RAB40C: variants seen among roughly 807,000 people sequenced by gnomAD.
RAB40C encodes ras-related protein Rab-40C.
RAB40C carries 8 observed loss-of-function variants against 28.1 expected under a neutral mutation model. The ratio of observed to expected loss-of-function variants is 0.28; its 90% CI spans 0.17 to 0.51. The LOEUF is 0.51. RAB40C is among the 20% of genes least tolerant of loss of function. RAB40C has a pLI of 0.97. For missense variants in RAB40C, 288 were observed against 405.9 expected, an observed-to-expected ratio of 0.71 and a Z score of 2.50; for synonymous variants, 201 against 171.7, an observed-to-expected ratio of 1.17 and a Z score of -1.34.
At chr16:624,014 G>A in intron 3 of RAB40C, 1 of 985,442 alleles carries the variant, frequency 1.0e-6, no homozygotes, top group Middle Eastern at 5.2e-4. Flanking sequence ...TCCTTGGCCA[G>A]CATGCACGCT....
chr16:618,291 T>A, intron 3 of RAB40C, 31 bp downstream of exon 3: 1 of 1,574,644 alleles, frequency 6.4e-7, no homozygotes, highest in African/African-American at 1.4e-5. Context: ...TCCATTGCTT[T>A]TCAAAGGATG....
intron 3 of RAB40C, among the ~76,000 whole-genome samples, chr16:618,699 AGTG>A (rs1362809545): frequency 1.4e-5 from 2 of 144,386 alleles, no homozygotes; most frequent in Admixed American, 7.0e-5. Flanking sequence ...GCACAGGTGT[AGTG>A]GGTGCACTCA....
Position 605,684 on chromosome 16 carries a change from A to G in RAB40C, c.143-11524A>G, listed in dbSNP as rs563168941. Among the ~76,000 whole-genome samples, 20 of 152,230 alleles carry G rather than the reference A, an allele frequency of 1.3e-4. No homozygotes were observed. The South Asian group carries it at 3.7e-3, about 28-fold the overall frequency. ...CTCCCGTGTGTCAAGGCTGCAGTGCATTGGCTCCACTCCAGATGGGCTTTG... is the reference window on the plus strand; with the variant it reads ...CTCCCGTGTGTCAAGGCTGCAGTGCGTTGGCTCCACTCCAGATGGGCTTTG... On this transcript the variant is annotated intron_variant, in intron 1 of 5. Coordinates refer to ENST00000248139, the MANE Select transcript of RAB40C (RefSeq NM_021168.5).
At position 627,597 on chromosome 16, in the gene RAB40C, C is replaced by T. The variant is rs1317581608; in HGVS notation, c.821C>T (p.Ser274Leu). ...CCCCAGAGCCCCCCCCAGAACTGCT[C>T]GCGGAGTAACTGCAAGATCTCCTAG... ...RPPQSPPQNC[S>L]RSNCKIS Residue 274 changes from serine (S) to leucine (L), a missense_variant, in exon 6 of 6, where the codon TCG (serine) becomes TTG (leucine). Coordinates refer to ENST00000248139, the MANE Select transcript of RAB40C (RefSeq NM_021168.5). The T allele has an allele frequency of 6.3e-7, 1 of 1,595,892 alleles. No individual in the cohort carries two copies. Among genetic ancestry groups the T allele is most frequent in the Non-Finnish European group, 8.6e-7 (1 of 1,169,270 alleles).
At chr16:590,781 C>T (rs762736390) in intron 1 of RAB40C, among the ~76,000 whole-genome samples, 2 of 151,052 alleles carry the variant, frequency 1.3e-5, no homozygotes, top group Non-Finnish European at 3.0e-5. Flanking sequence ...GAGAAGGTGT[C>T]ATGGGCCTGG....
At chr16:591,679 C>T (rs2036002506) in intron 1 of RAB40C, among the ~76,000 whole-genome samples, 2 of 151,868 alleles carry the variant, frequency 1.3e-5, no homozygotes, top group African/African-American at 4.8e-5. Context: ...GCAACCTCCG[C>T]CTCCTGGGTT....
chr16:614,863 G>A (rs1441015098), intron 1 of RAB40C, among the ~76,000 whole-genome samples: 2 of 152,046 alleles, frequency 1.3e-5, no homozygotes, highest in Non-Finnish European at 2.9e-5. Flanking sequence ...GCCGCATCCC[G>A]ATGGTGAACT....
chr16:592,799 G>T (rs925464674), intron 1 of RAB40C, among the ~76,000 whole-genome samples: 2 of 152,246 alleles, frequency 1.3e-5, no homozygotes, highest in Admixed American at 6.5e-5. Flanking sequence ...TGGCCAGCTC[G>T]CCTACCCAAC....
Position 610,850 on chromosome 16 carries a change from AGACC to A in RAB40C, c.143-6357_143-6354del, listed in dbSNP as rs753298070. On this transcript the variant is annotated intron_variant, in intron 1 of 5. Transcript: ENST00000248139. This position sits in a 1 kb window ranked among gnomAD's most constrained non-coding sequence, Gnocchi z 4.6. Reference sequence around the variant, plus strand: ...CTGACACCTGTCCCTCTGAGAGTCCAGACCTTTTCCAGAGTGACATCCTGGGGCC... The same window carrying A: ...CTGACACCTGTCCCTCTGAGAGTCCATTTTCCAGAGTGACATCCTGGGGCC... Among the ~76,000 whole-genome samples the A allele has an allele frequency of 1.3e-5, 2 of 151,870 alleles. No individual in the cohort carries two copies. Among genetic ancestry groups the A allele is most frequent in the Non-Finnish European group, 2.9e-5 (2 of 67,960 alleles).
chr16:595,001 G>T (rs1324835957), intron 1 of RAB40C, among the ~76,000 whole-genome samples: 1 of 151,940 alleles, frequency 6.6e-6, no homozygotes, highest in South Asian at 2.1e-4. Context: ...TGTATTTTTA[G>T]TAGAGGCAGG....
intron 1 of RAB40C, among the ~76,000 whole-genome samples, chr16:592,015 G>T (rs1202539151): frequency 6.6e-6 from 1 of 152,240 alleles, no homozygotes; most frequent in Non-Finnish European, 1.5e-5. Context: ...GAGTGAGACG[G>T]TGTGGTCCTC....
chr16:606,584 T>C (rs1483569894), intron 1 of RAB40C, among the ~76,000 whole-genome samples: 2 of 152,262 alleles, frequency 1.3e-5, no homozygotes, highest in African/African-American at 4.8e-5. Context: ...TTGCAGGCCC[T>C]ACAGGAAGAT....
At chr16:611,486 C>T (rs941057953) in intron 1 of RAB40C, among the ~76,000 whole-genome samples, 4 of 152,246 alleles carry the variant, frequency 2.6e-5, no homozygotes, top group African/African-American at 4.8e-5. Context: ...CCCCTCCGTC[C>T]CTGTGTCCCT....
chr16:616,993 C>G, intron 1 of RAB40C: 1 of 581,020 alleles, frequency 1.7e-6, no homozygotes, highest in Non-Finnish European at 3.1e-6. Context: ...CTGCCCTGCC[C>G]CGCCCTGCCC....
intron 1 of RAB40C, among the ~76,000 whole-genome samples, chr16:593,679 C>T (rs888848429): frequency 6.6e-6 from 1 of 152,222 alleles, no homozygotes; most frequent in East Asian, 1.9e-4. Context: ...TTAGTACTGG[C>T]ACCTGAGGCA....
At chr16:609,874 G>C (rs115668489) in intron 1 of RAB40C, among the ~76,000 whole-genome samples, 2 of 152,164 alleles carry the variant, frequency 1.3e-5, no homozygotes, top group African/African-American at 4.8e-5. Flanking sequence ...TGCCTGGAGG[G>C]GGGAGCTGAG....
intron 3 of RAB40C, among the ~76,000 whole-genome samples, chr16:619,518 A>G (rs376121179): frequency 6.6e-6 from 1 of 152,222 alleles, no homozygotes; most frequent in Non-Finnish European, 1.5e-5. Context: ...CGTGAAGCCC[A>G]TGTAAACAGA....
chr16:627,757 C>T lies in RAB40C; in HGVS notation c.*135C>T, dbSNP rs1343099335. 1.7e-6 allele frequency: 2 copies of T among 1,170,820 alleles called. No individual in the cohort carries two copies. The highest frequency in any genetic ancestry group is 2.3e-6 in the Non-Finnish European group (2 of 866,898). The allele number at this position is 1,170,820 out of a possible 1,614,324, so 72.5% of individuals were successfully genotyped here. A position where few individuals can be genotyped will look rare whatever the true frequency, so the allele number is the denominator to read the frequency against. ...TCAGAAGCGCCGGGCTTTCCTCACA[C>T]CTGAGCCGGGTGCGAGGAGGAGCAT... On this transcript the variant is annotated 3_prime_UTR_variant, in exon 6 of 6. Coordinates refer to ENST00000248139, the MANE Select transcript of RAB40C (RefSeq NM_021168.5).
chr16:608,932 C>T (rs1318854601), intron 1 of RAB40C, among the ~76,000 whole-genome samples: 1 of 152,058 alleles, frequency 6.6e-6, no homozygotes, highest in Admixed American at 6.6e-5. Flanking sequence ...CTGGGCAACA[C>T]AGCGAGACCC....
Sources: gnomAD v4.1 joint callset for allele counts (sites outside exome capture counted in the v4.1 genomes callset) on GRCh38, gnomAD v4.1.1 for gene constraint, Gnocchi (gnomAD v3.1) non-coding constraint, MANE v1.5 for transcripts, NCBI Gene and HGNC (gene_info 2026-07-23, HGNC 2026-07-21) for gene names.